Variants in DCLK1 observed in about 807,000 individuals in gnomAD.
DCLK1 encodes doublecortin like kinase 1.
Under a neutral mutation model 86.2 loss-of-function variants are expected in DCLK1, and 16 were observed. The ratio of observed to expected loss-of-function variants is 0.19; its 90% CI spans 0.13 to 0.28. The LOEUF is 0.28. Ranked by LOEUF, DCLK1 falls within the 10% of genes least tolerant of loss-of-function variation. The probability of loss-of-function intolerance (pLI) is 1.00; values close to 1 mark genes in which losing one functional copy is unlikely to be tolerated. For missense variants in DCLK1, 590 were observed against 940.2 expected (o/e 0.63, Z 4.87); for synonymous variants, 369 against 370.5 (o/e 1.00, Z 0.05).
chr13:36,016,852 A>G (rs1461775101), intron 3 of DCLK1, among the ~76,000 whole-genome samples: 1 of 152,198 alleles, frequency 6.6e-6, no homozygotes, highest in Non-Finnish European at 1.5e-5. Context: ...ATTTTATATT[A>G]TTTTATGGCA....
chr13:35,797,704 G>A (rs566606048), intron 15 of DCLK1, among the ~76,000 whole-genome samples: 1 of 151,964 alleles, frequency 6.6e-6, no homozygotes, highest in Non-Finnish European at 1.5e-5. Flanking sequence ...GAAAAAGTCT[G>A]CAGTGTTTTT....
At chr13:35,963,515 G>T (rs929133688) in intron 3 of DCLK1, among the ~76,000 whole-genome samples, 1 of 152,158 alleles carries the variant, frequency 6.6e-6, no homozygotes, top group African/African-American at 2.4e-5. Context: ...AATTTTTCTG[G>T]CATTGTTCTG....
intron 3 of DCLK1, among the ~76,000 whole-genome samples, chr13:36,045,179 G>T (rs1477347013): frequency 6.7e-6 from 1 of 148,444 alleles, no homozygotes; most frequent in Non-Finnish European, 1.5e-5. Context: ...CTCAGACCCT[G>T]CCATTAACAT....
At chr13:35,819,288 T>G (rs1175446471) in intron 11 of DCLK1, among the ~76,000 whole-genome samples, 2 of 152,280 alleles carry the variant, frequency 1.3e-5, no homozygotes, top group East Asian at 3.9e-4. Flanking sequence ...GTAAGTCAAA[T>G]CATATTTTCT....
intron 4 of DCLK1, among the ~76,000 whole-genome samples, chr13:35,908,667 C>T (rs116881484): frequency 0.014 from 2,154 of 152,298 alleles, 21 homozygotes; most frequent in South Asian, 0.03. Context: ...TGGAACTTTG[C>T]TCTTGTCGCC....
At chr13:36,033,126 G>A (rs1490155261) in intron 3 of DCLK1, among the ~76,000 whole-genome samples, 2 of 152,128 alleles carry the variant, frequency 1.3e-5, no homozygotes, top group Non-Finnish European at 1.5e-5. Context: ...CTACACTCAC[G>A]CTTTTAAAAT....
At chr13:36,003,488 G>A (rs564981227) in intron 3 of DCLK1, among the ~76,000 whole-genome samples, 27 of 152,084 alleles carry the variant, frequency 1.8e-4, no homozygotes, top group Admixed American at 4.6e-4. Context: ...CTTCTTATAG[G>A]TTATCATAAG....
chr13:36,106,527 A>G (rs1885403606), intron 3 of DCLK1, among the ~76,000 whole-genome samples: 1 of 152,230 alleles, frequency 6.6e-6, no homozygotes, highest in Admixed American at 6.5e-5. Flanking sequence ...TTTTACTCCA[A>G]TCGCAAACAA....
intron 3 of DCLK1, among the ~76,000 whole-genome samples, chr13:36,067,011 G>A (rs900359168): frequency 6.9e-6 from 1 of 144,592 alleles, no homozygotes; most frequent in African/African-American, 2.6e-5. Flanking sequence ...GATTCCTCAG[G>A]GATCTACAAC....
At chr13:35,859,496 C>G (rs1871261598) in intron 5 of DCLK1, among the ~76,000 whole-genome samples, 1 of 152,220 alleles carries the variant, frequency 6.6e-6, no homozygotes, top group African/African-American at 2.4e-5. Context: ...GCAGAGCTGA[C>G]TTCTATCCCT....
intron 1 of DCLK1, among the ~76,000 whole-genome samples, chr13:36,130,431 G>A (rs140926512): frequency 1.2e-4 from 19 of 152,242 alleles, no homozygotes; most frequent in African/African-American, 4.1e-4. Flanking sequence ...GAGCAATTCC[G>A]CGCAAACCTG....
intron 3 of DCLK1, among the ~76,000 whole-genome samples, chr13:35,972,410 G>A (rs1161933644): frequency 6.6e-6 from 1 of 152,150 alleles, no homozygotes; most frequent in Non-Finnish European, 1.5e-5. Context: ...TGTGTGTGTA[G>A]AGAAAGAGAC....
At chr13:35,959,480 T>A (rs991785437) in intron 3 of DCLK1, among the ~76,000 whole-genome samples, 5 of 152,164 alleles carry the variant, frequency 3.3e-5, no homozygotes, top group African/African-American at 9.7e-5. Flanking sequence ...TCAACACTTG[T>A]CATGCAGGAA....
intron 3 of DCLK1, among the ~76,000 whole-genome samples, chr13:36,043,268 G>C (rs920457877): frequency 1.3e-5 from 2 of 151,482 alleles, no homozygotes; most frequent in Non-Finnish European, 1.5e-5. Flanking sequence ...AAAAGAAAGA[G>C]AGTATTCTGA....
At chr13:35,872,394 C>A (rs748286529) in intron 4 of DCLK1, among the ~76,000 whole-genome samples, 1 of 152,150 alleles carries the variant, frequency 6.6e-6, no homozygotes, top group Non-Finnish European at 1.5e-5. Context: ...ATCTTGTGAG[C>A]ATTTTCACTC....
At chr13:36,047,249 G>A (rs1882948571) in intron 3 of DCLK1, among the ~76,000 whole-genome samples, 1 of 152,140 alleles carries the variant, frequency 6.6e-6, no homozygotes, top group East Asian at 1.9e-4. Context: ...AATTAGTACA[G>A]CCATTAATAG....
intron 4 of DCLK1, among the ~76,000 whole-genome samples, chr13:35,886,322 A>C (rs76551639): frequency 0.017 from 2,615 of 152,244 alleles, 74 homozygotes; most frequent in African/African-American, 0.059. Context: ...ATAGGTTCTT[A>C]AGAAAACTTT....
chr13:35,849,282 A>G, intron 6 of DCLK1: 1 of 985,374 alleles, frequency 1.0e-6, no homozygotes, highest in South Asian at 4.7e-5. Flanking sequence ...AATCAATAAC[A>G]TTTAAAACAG....
intron 3 of DCLK1, among the ~76,000 whole-genome samples, chr13:35,968,737 A>G (rs1007631658): frequency 1.3e-5 from 2 of 152,152 alleles, no homozygotes; most frequent in African/African-American, 4.8e-5. Context: ...CTCTCAGCAG[A>G]TCATAGATTC....
Sources: allele counts gnomAD v4.1 joint callset (sites outside exome capture counted in the v4.1 genomes callset), GRCh38; gene constraint gnomAD v4.1.1; transcripts MANE v1.5; gene names NCBI Gene and HGNC (gene_info 2026-07-23, HGNC 2026-07-21).